Variants in PCDHA1 observed in about 807,000 individuals in gnomAD.
PCDHA1 encodes protocadherin alpha 1.
A neutral mutation model predicts 61.3 loss-of-function variants in PCDHA1; 42 were observed. The observed-to-expected ratio is 0.69, with a 90% CI of 0.54 to 0.89. The LOEUF (loss-of-function observed/expected upper bound fraction) is 0.89. PCDHA1 is among the 40% of genes least tolerant of loss of function. The pLI is 0.00. For synonymous variants in PCDHA1, 610 were observed against 553.8 expected (o/e 1.10, Z -1.43); for missense variants, 1,256 against 1,235.3 (o/e 1.02, Z -0.25).
chr5:140,915,937 G>A (rs782632336), intron 1 of PCDHA1, among the ~76,000 whole-genome samples: 7 of 152,104 alleles, frequency 4.6e-5, no homozygotes, highest in African/African-American at 7.2e-5. Flanking sequence ...GTCAGGGATT[G>A]GAGTCAAAAT....
At chr5:140,964,844 A>G (rs2095857701) in intron 1 of PCDHA1, among the ~76,000 whole-genome samples, 1 of 152,160 alleles carries the variant, frequency 6.6e-6, no homozygotes, top group Admixed American at 6.5e-5. Flanking sequence ...CCTACTCTGT[A>G]CCCTTGAGGA....
rs79831933 is a variant in PCDHA1, at chr5:140,933,507, A to G, written c.2395-45442A>G. ...TATTCTTTAGAATTGTTAAGCAAAG[A>G]CTACAGCTGTTTTGTTTAAACTCAA... On this transcript the variant is annotated intron_variant, in intron 1 of 3. Transcript: ENST00000504120. 5.9e-3 allele frequency among the ~76,000 whole-genome samples: 898 copies of G among 152,170 alleles called. 13 individuals carry two copies. Among genetic ancestry groups the G allele is most frequent in the African/African-American group, 0.02 (841 of 41,572 alleles).
intron 1 of PCDHA1, chr5:140,802,972 C>A: frequency 1.2e-6 from 2 of 1,613,982 alleles, no homozygotes; most frequent in Non-Finnish European, 8.5e-7. Context: ...CACGTGGTAG[C>A]GAAGGTGCGC....
chr5:140,924,944 TA>T (rs11334471), intron 1 of PCDHA1, among the ~76,000 whole-genome samples: 51,245 of 142,818 alleles, frequency 0.36, 9,188 homozygotes, highest in East Asian at 0.56. Flanking sequence ...AATAAAAAGT[TA>T]AAAAAAAAAT....
chr5:140,938,261 A>G (rs1325957872), intron 1 of PCDHA1, among the ~76,000 whole-genome samples: 2 of 152,182 alleles, frequency 1.3e-5, no homozygotes, highest in Non-Finnish European at 2.9e-5. Flanking sequence ...AAAACTTTCT[A>G]ATCACATAGT....
intron 1 of PCDHA1, chr5:140,870,040 A>G: frequency 1.2e-6 from 2 of 1,613,768 alleles, no homozygotes; most frequent in Non-Finnish European, 1.7e-6. Flanking sequence ...TGAAGAAAAC[A>G]AGTTTTATAA....
intron 1 of PCDHA1, chr5:140,883,864 G>A: frequency 6.2e-7 from 1 of 1,613,210 alleles, no homozygotes; most frequent in East Asian, 2.2e-5. Flanking sequence ...AGCTGTTGCA[G>A]TTCCAGGTGA....
rs114148884 is a variant in PCDHA1 at position 140,924,440 on chromosome 5, C to T, written c.2395-54509C>T. ...CTTTCTAGTTCCCTAGAAGAGATAA[C>T]GAATGGGTTTGTGTGTTTAGGGAGG... On this transcript the variant is annotated intron_variant, in intron 1 of 3. Coordinates refer to ENST00000504120, the MANE Select transcript of PCDHA1 (RefSeq NM_018900.4). Among the ~76,000 whole-genome samples, 538 of 152,252 alleles carry T rather than the reference C, an allele frequency of 3.5e-3. 4 individuals are homozygous for T. Among genetic ancestry groups the T allele is most frequent in the African/African-American group, 0.012 (480 of 41,540 alleles).
At chr5:140,870,570 G>A in intron 1 of PCDHA1, 1 of 1,613,972 alleles carries the variant, frequency 6.2e-7, no homozygotes, top group Non-Finnish European at 8.5e-7. Flanking sequence ...ACGCGCTGGT[G>A]TCCTACTCGC....
At chr5:140,829,937 A>G (rs1770693047) in intron 1 of PCDHA1, 2 of 1,614,002 alleles carry the variant, frequency 1.2e-6, no homozygotes, top group South Asian at 2.2e-5. Context: ...GCCCCCGGCA[A>G]GCAGCGCTCG....
At chr5:140,817,165 G>T (rs181972981) in intron 1 of PCDHA1, 62 of 152,324 alleles carry the variant, frequency 4.1e-4, no homozygotes, top group African/African-American at 1.5e-3. Flanking sequence ...TCTGAGATAT[G>T]CAAGACAGCT....
chr5:140,823,834 G>A (rs1197490910), intron 1 of PCDHA1: 1 of 1,613,838 alleles, frequency 6.2e-7, no homozygotes, highest in Non-Finnish European at 8.5e-7. Context: ...GGGCGCTGTG[G>A]GTCCCGAGGC....
chr5:140,849,902 G>T, intron 1 of PCDHA1: 2 of 1,598,532 alleles, frequency 1.3e-6, no homozygotes, highest in African/African-American at 1.3e-5. Context: ...AGAACAACCC[G>T]CCGGGCTGCC....
intron 1 of PCDHA1, chr5:140,807,132 T>G: frequency 6.4e-7 from 1 of 1,559,298 alleles, no homozygotes; most frequent in Non-Finnish European, 8.7e-7. Context: ...GATTAAAAGA[T>G]TTCCCTTGAC....
intron 1 of PCDHA1, among the ~76,000 whole-genome samples, chr5:140,838,972 A>G (rs1775978253): frequency 6.6e-6 from 1 of 151,966 alleles, no homozygotes; most frequent in African/African-American, 2.4e-5. Flanking sequence ...AGAACTGACA[A>G]TTTTCACTGT....
At chr5:140,855,487 T>A (rs1554147815) in intron 1 of PCDHA1, among the ~76,000 whole-genome samples, 3 of 149,802 alleles carry the variant, frequency 2.0e-5, no homozygotes, top group Non-Finnish European at 1.5e-5. Flanking sequence ...GACATTAGTG[T>A]CTAAATAAAC....
chr5:140,985,683 G>A (rs926848363), intron 3 of PCDHA1, among the ~76,000 whole-genome samples: 3 of 151,224 alleles, frequency 2.0e-5, no homozygotes, highest in African/African-American at 7.3e-5. Context: ...CCTGCCTTAC[G>A]CTAATCCTCG....
chr5:140,842,854 C>T, intron 1 of PCDHA1: 1 of 1,594,004 alleles, frequency 6.3e-7, no homozygotes, highest in South Asian at 1.1e-5. Context: ...TTTCGGTGCA[C>T]ACGGAGAGCG....
intron 1 of PCDHA1, among the ~76,000 whole-genome samples, chr5:140,887,198 G>T (rs1276345927): frequency 6.6e-6 from 1 of 151,492 alleles, no homozygotes; most frequent in Admixed American, 6.6e-5. Flanking sequence ...CCGGGTTCAC[G>T]CCATTCTCCT....
Sources: allele counts gnomAD v4.1 joint callset (sites outside exome capture counted in the v4.1 genomes callset), GRCh38; gene constraint gnomAD v4.1.1; transcripts MANE v1.5; gene names NCBI Gene and HGNC (gene_info 2026-07-23, HGNC 2026-07-21).